The following ATP6V1C2 variants were observed in gnomAD, a reference collection of about 807,000 sequenced individuals.
The protein encoded by ATP6V1C2 is ATPase H+ transporting V1 subunit C2.
Under a neutral mutation model 56.8 loss-of-function variants are expected in ATP6V1C2, and 45 were observed. The ratio of observed to expected loss-of-function variants is 0.79; its 90% CI spans 0.62 to 1.02. The LOEUF is 1.02. Among genes scored for constraint, ATP6V1C2 ranks in the 50% least tolerant of loss-of-function variants. The pLI is 0.00. For synonymous variants in ATP6V1C2, 220 were observed against 201.3 expected (o/e 1.09, Z -0.79); for missense variants, 463 against 519.7 (o/e 0.89, Z 1.06).
chr2:10,774,725 T>C (rs1042257120), intron 8 of ATP6V1C2, 63 bp from the exon 9 acceptor site: 5 of 1,465,652 alleles, frequency 3.4e-6, no homozygotes, highest in Non-Finnish European at 4.8e-6. Context: ...CCGGGGCCTC[T>C]GAGCCCCACT....
At chr2:10,753,554 C>T (rs1165896207) in intron 3 of ATP6V1C2, among the ~76,000 whole-genome samples, 3 of 144,820 alleles carry the variant, frequency 2.1e-5, no homozygotes, top group East Asian at 2.0e-4. Flanking sequence ...TTTTTTGAGA[C>T]GGGGTCTTAC....
At chr2:10,781,844 GAAAATAGTAACAATCTTGATAAACCA>G (rs1438262358) in intron 12 of ATP6V1C2, among the ~76,000 whole-genome samples, 1 of 152,206 alleles carries the variant, frequency 6.6e-6, no homozygotes, top group African/African-American at 2.4e-5. Flanking sequence ...AAAACTCAGC[GAAAATAGTAACAATCTTGATAAACCA>G]GATTTTTGCC....
intron 4 of ATP6V1C2, among the ~76,000 whole-genome samples, chr2:10,755,103 C>T (rs1663471821): frequency 6.6e-6 from 1 of 152,164 alleles, no homozygotes; most frequent in South Asian, 2.1e-4. Flanking sequence ...CCGCAACCTC[C>T]CCCTCCCAGA....
chr2:10,740,055 T>G (rs1480005166), intron 3 of ATP6V1C2, among the ~76,000 whole-genome samples: 1 of 139,730 alleles, frequency 7.2e-6, no homozygotes, highest in Non-Finnish European at 1.5e-5. Context: ...GCCTCTGCAC[T>G]CCAGCCTGAG....
intron 10 of ATP6V1C2, 71 bp downstream of exon 10, chr2:10,775,142 C>G (rs1664881332): frequency 2.7e-6 from 3 of 1,125,848 alleles, no homozygotes; most frequent in Middle Eastern, 4.3e-4. Context: ...CCTCCCAGGT[C>G]TCCAGCTCTC....
At chr2:10,751,977 T>C (rs914882119) in intron 3 of ATP6V1C2, among the ~76,000 whole-genome samples, 2 of 151,962 alleles carry the variant, frequency 1.3e-5, no homozygotes, top group African/African-American at 4.8e-5. Context: ...GAGGATCACC[T>C]GAGTCTGGGA....
intron 1 of ATP6V1C2, 88 bp from the exon 2 acceptor site, chr2:10,722,736 T>C: frequency 1.4e-6 from 2 of 1,381,946 alleles, no homozygotes; most frequent in Non-Finnish European, 2.0e-6. Flanking sequence ...AAAGGATGAA[T>C]TGGAGGGTAG....
chr2:10,724,568 TAAAA>T (rs766105053), intron 2 of ATP6V1C2, among the ~76,000 whole-genome samples: 3 of 151,832 alleles, frequency 2.0e-5, no homozygotes, highest in African/African-American at 7.3e-5. Context: ...GGTAAAAAGA[TAAAA>T]AAAGAAGACA....
intron 4 of ATP6V1C2, among the ~76,000 whole-genome samples, chr2:10,762,484 A>C (rs1572573935): frequency 6.6e-6 from 1 of 152,164 alleles, no homozygotes; most frequent in Admixed American, 6.5e-5. Context: ...TCTTGGCCCA[A>C]GGTCAGCAGC....
intron 13 of ATP6V1C2, 61 bp from the exon 14 acceptor site, chr2:10,783,113 A>G: frequency 1.4e-6 from 2 of 1,393,378 alleles, no homozygotes; most frequent in Admixed American, 1.7e-5. Flanking sequence ...CCTCAAAACT[A>G]AAAGGATAAG....
At chr2:10,724,811 T>C (rs1441761000) in intron 2 of ATP6V1C2, among the ~76,000 whole-genome samples, 1 of 152,068 alleles carries the variant, frequency 6.6e-6, no homozygotes, top group East Asian at 1.9e-4. Flanking sequence ...TAGCTGGGAT[T>C]ACAGGCACAT....
chr2:10,778,677 G>C lies in ATP6V1C2; in HGVS notation c.1061+8G>C. The C allele has an allele frequency of 1.2e-6, 2 of 1,613,904 alleles. No individual in the cohort carries two copies. Among genetic ancestry groups the C allele is most frequent in the Non-Finnish European group, 1.7e-6 (2 of 1,179,784 alleles). ...TGTGGAGTCCGTGCTCAGGTGCGTGGCAGTGATGCCCCGGCTGGGACTGTC... is the reference window on the plus strand; with the variant it reads ...TGTGGAGTCCGTGCTCAGGTGCGTGCCAGTGATGCCCCGGCTGGGACTGTC... On this transcript the variant is annotated splice_region_variant and intron_variant, in intron 12 of 13. Coordinates refer to ENST00000272238, the MANE Select transcript of ATP6V1C2 (RefSeq NM_001039362.2).
chr2:10,735,009 C>G (rs926946981), intron 3 of ATP6V1C2, among the ~76,000 whole-genome samples: 11 of 151,900 alleles, frequency 7.2e-5, no homozygotes, highest in African/African-American at 2.7e-4. Context: ...ACCCTGAGCC[C>G]GAGTGGTTGA....
rs771576322 is a variant in ATP6V1C2, at chr2:10,772,573, G to A, written c.601G>A (p.Glu201Lys). The A allele has an allele frequency of 1.9e-6, 3 of 1,613,964 alleles. No homozygotes were observed. Among genetic ancestry groups the A allele is most frequent in the Middle Eastern group, 1.6e-4 (1 of 6,082 alleles). Residue 201 changes from glutamate to lysine, a missense_variant, in exon 8 of 14, where the codon GAA becomes AAA. By Grantham distance (56) the Glu-to-Lys change is moderately conservative. Coordinates refer to ENST00000272238, the MANE Select transcript of ATP6V1C2 (RefSeq NM_001039362.2). ...PNYSQWQKTY[E>K]SLSDMVVPRS... is the part of the protein sequence containing the mutation. ...CTACTCACAATGGCAAAAAACCTAC[G>A]AATCTCTCTCAGACATGGTGGTCCC...
intron 3 of ATP6V1C2, among the ~76,000 whole-genome samples, chr2:10,735,091 A>C (rs992600985): frequency 6.6e-6 from 1 of 152,202 alleles, no homozygotes; most frequent in African/African-American, 2.4e-5. Flanking sequence ...TTTGAAAAAA[A>C]GAAAAAAATA....
intron 4 of ATP6V1C2, among the ~76,000 whole-genome samples, 199 bp from the exon 5 acceptor site, chr2:10,764,132 G>A (rs997577792): frequency 1.3e-5 from 2 of 152,124 alleles, no homozygotes; most frequent in Non-Finnish European, 2.9e-5. Context: ...CTAGTGCTTG[G>A]GCTGACAGCT....
chr2:10,782,472 G>A, intron 13 of ATP6V1C2, 97 bp downstream of exon 13: 2 of 1,388,284 alleles, frequency 1.4e-6, no homozygotes, highest in Non-Finnish European at 2.0e-6. Flanking sequence ...TTGGGAGGTA[G>A]GTGGATCACT....
At chr2:10,750,755 A>G (rs73914829) in intron 3 of ATP6V1C2, among the ~76,000 whole-genome samples, 28,603 of 152,092 alleles carry the variant, frequency 0.19, 2,864 homozygotes, top group East Asian at 0.33. Flanking sequence ...TCAAAATATT[A>G]TAGGGGATGT....
intron 4 of ATP6V1C2, chr2:10,757,303 G>A (rs1031896429): frequency 1.1e-4 from 42 of 387,874 alleles, no homozygotes; most frequent in Admixed American, 4.9e-4. Context: ...GTGAGCCACC[G>A]CGCCCGGCCA....
Sources: allele counts gnomAD v4.1 joint callset (sites outside exome capture counted in the v4.1 genomes callset), GRCh38; gene constraint gnomAD v4.1.1; transcripts MANE v1.5; gene names NCBI Gene and HGNC (gene_info 2026-07-23, HGNC 2026-07-21).